SLC2A12: variants seen among roughly 807,000 people sequenced by gnomAD.
SLC2A12 encodes solute carrier family 2, facilitated glucose transporter member 12.
Under a neutral mutation model 41.8 loss-of-function variants are expected in SLC2A12, and 23 were observed. That is an observed-to-expected ratio of 0.55 (90% CI 0.40 to 0.78). The LOEUF (loss-of-function observed/expected upper bound fraction) is 0.78, where lower values mean the gene tolerates loss of function less well. SLC2A12 is among the 30% of genes least tolerant of loss of function. The probability of loss-of-function intolerance (pLI) is 0.00; values close to 1 mark genes in which losing one functional copy is unlikely to be tolerated. For synonymous variants in SLC2A12, 295 were observed against 285.9 expected, an observed-to-expected ratio of 1.03 and a Z score of -0.32; for missense variants, 654 against 745.6, an observed-to-expected ratio of 0.88 and a Z score of 1.43.
rs912551258 is a variant in SLC2A12, at chr6:133,988,902, A to G, written c.*2253T>C. ...CACCTCCTGTTTTTCAATGTTCACC[A>G]AAAAAAGAAACATAGAATAGGGGGA... On this transcript the variant is annotated 3_prime_UTR_variant, in exon 5 of 5. Coordinates refer to ENST00000275230, the MANE Select transcript of SLC2A12 (RefSeq NM_145176.3). The G allele has an allele frequency of 2.0e-5, 3 of 152,176 alleles. No homozygotes were observed. Among genetic ancestry groups the G allele is most frequent in the African/African-American group, 7.2e-5 (3 of 41,444 alleles). The allele number at this position is 152,176 out of a possible 1,614,324, so 9.4% of individuals were successfully genotyped here.
At chr6:133,999,971 T>A (rs930738409) in intron 4 of SLC2A12, among the ~76,000 whole-genome samples, 7 of 152,198 alleles carry the variant, frequency 4.6e-5, no homozygotes, top group African/African-American at 1.7e-4. Flanking sequence ...ATACATTGGC[T>A]TATCAAAGTC....
At chr6:134,005,871 A>G (rs1776806741) in intron 3 of SLC2A12, among the ~76,000 whole-genome samples, 1 of 151,890 alleles carries the variant, frequency 6.6e-6, no homozygotes, top group Non-Finnish European at 1.5e-5. Context: ...TACAAGAAAC[A>G]TAAAAGACAG....
chr6:133,992,389 G>T (rs1231112914), intron 4 of SLC2A12, among the ~76,000 whole-genome samples: 1 of 152,146 alleles, frequency 6.6e-6, no homozygotes, highest in African/African-American at 2.4e-5. Flanking sequence ...GTGGGAGGGG[G>T]TCCTGGAGGC....
At chr6:134,046,973 A>G (rs1447936201) in intron 1 of SLC2A12, among the ~76,000 whole-genome samples, 1 of 152,210 alleles carries the variant, frequency 6.6e-6, no homozygotes, top group Admixed American at 6.5e-5. Context: ...AATATATTTG[A>G]CTCAGTTTCA....
chr6:133,995,265 G>T (rs1438160233), intron 4 of SLC2A12, among the ~76,000 whole-genome samples: 1 of 144,724 alleles, frequency 6.9e-6, no homozygotes, highest in African/African-American at 2.9e-5. Context: ...TGCTGATGAG[G>T]AGTAGGTAAA....
At chr6:133,997,850 G>A (rs963752483) in intron 4 of SLC2A12, among the ~76,000 whole-genome samples, 9 of 152,168 alleles carry the variant, frequency 5.9e-5, no homozygotes, top group African/African-American at 9.7e-5. Context: ...TTTGTCCTCA[G>A]TATTGGGCTT....
At position 134,028,676 on chromosome 6, in the gene SLC2A12, G is replaced by A; in HGVS notation, c.1149C>T (p.Asn383=). The A allele has an allele frequency of 6.2e-7, 1 of 1,614,200 alleles. No individual in the cohort carries two copies. The highest frequency in any genetic ancestry group is 8.5e-7 in the Non-Finnish European group (1 of 1,180,034). The change falls in exon 2 of 5, where the codon AAC becomes AAT. Residue 383 remains asparagine (N), a synonymous_variant. Transcript: ENST00000275230. ...AAATCACAGACTCATCCAAGGACTG[G>A]TTGATAGAATTGTGGCTTCTGCAGA... ...THICRSHNSI[N]QSLDESVIYG...
At chr6:134,047,815 G>T (rs965652) in intron 1 of SLC2A12, among the ~76,000 whole-genome samples, 1 of 152,066 alleles carries the variant, frequency 6.6e-6, no homozygotes, top group Non-Finnish European at 1.5e-5. Context: ...GCATGCTGGT[G>T]TGCACCAGCT....
intron 2 of SLC2A12, among the ~76,000 whole-genome samples, chr6:134,007,530 T>A (rs868808045): frequency 6.6e-6 from 1 of 152,224 alleles, no homozygotes; most frequent in South Asian, 2.1e-4. Context: ...ATTTGATTAT[T>A]GTACCAGACT....
chr6:134,038,946 C>T (rs1777344185), intron 1 of SLC2A12, among the ~76,000 whole-genome samples: 1 of 151,862 alleles, frequency 6.6e-6, no homozygotes, highest in Non-Finnish European at 1.5e-5. Flanking sequence ...CTCTGGTGAT[C>T]CACCCACCTC....
Position 133,991,256 on chromosome 6 carries a change from C to T in SLC2A12, c.1753G>A (p.Val585Met). ...TTTCTTTTTTGAGGCTGTTTTGGCA[C>T]TAATTCTTCTTGGTGATGACTCATA... Reference protein sequence around the residue: ...CFMSHHQEELVPKQPQKRKPQ... With the variant: ...CFMSHHQEELMPKQPQKRKPQ... The change falls in exon 5 of 5, where the codon GTG becomes ATG. Residue 585 changes from valine (V) to methionine (M), a missense_variant. By Grantham distance (21) the Val-to-Met change is conservative (BLOSUM62 1). Transcript: ENST00000275230. The T allele has an allele frequency of 6.2e-7, 1 of 1,614,008 alleles. No individual in the cohort carries two copies. Among genetic ancestry groups the T allele is most frequent in the Non-Finnish European group, 8.5e-7 (1 of 1,179,996 alleles).
At chr6:133,996,797 T>A (rs1171895792) in intron 4 of SLC2A12, among the ~76,000 whole-genome samples, 1 of 152,206 alleles carries the variant, frequency 6.6e-6, no homozygotes, top group East Asian at 1.9e-4. Flanking sequence ...CGCATTTCCT[T>A]AACTAATTTG....
chr6:134,042,391 A>T (rs144779475), intron 1 of SLC2A12, among the ~76,000 whole-genome samples: 2,949 of 152,236 alleles, frequency 0.019, 34 homozygotes, highest in Middle Eastern at 0.078. Context: ...CACCGTTATC[A>T]TGTTGATAAT....
chr6:134,026,325 G>A (rs1777111680), intron 2 of SLC2A12, among the ~76,000 whole-genome samples: 1 of 152,166 alleles, frequency 6.6e-6, no homozygotes, highest in Non-Finnish European at 1.5e-5. Flanking sequence ...TTTATCAAAT[G>A]AGCAAAGCTT....
chr6:134,007,629 T>G (rs1336592405), intron 2 of SLC2A12, among the ~76,000 whole-genome samples: 1 of 152,236 alleles, frequency 6.6e-6, no homozygotes, highest in Non-Finnish European at 1.5e-5. Context: ...GGGAACATTA[T>G]GGGGCTTGCC....
At chr6:134,026,324 T>G (rs1490537141) in intron 2 of SLC2A12, among the ~76,000 whole-genome samples, 1 of 152,174 alleles carries the variant, frequency 6.6e-6, no homozygotes, top group Non-Finnish European at 1.5e-5. Flanking sequence ...GTTTATCAAA[T>G]GAGCAAAGCT....
intron 2 of SLC2A12, among the ~76,000 whole-genome samples, chr6:134,027,271 T>C (rs1419478582): frequency 6.6e-6 from 1 of 152,228 alleles, no homozygotes; most frequent in Non-Finnish European, 1.5e-5. Flanking sequence ...AGCCCCTACA[T>C]GGCCTTCTTT....
Position 134,028,599 on chromosome 6 carries a change from T to C in SLC2A12, c.1226A>G (p.Lys409Arg), listed in dbSNP as rs772545867. The C allele has an allele frequency of 1.9e-6, 3 of 1,614,196 alleles. No homozygotes were observed. The highest frequency in any genetic ancestry group is 3.3e-5 in the Admixed American group (2 of 60,018). ...GCTTCTGCTATGGGAAGAAATCCCT[T>C]TGAAGTGGTCTCTGAGAGTATTGTT... is the stretch of plus-strand genomic sequence containing the variant. ...TNNNTLRDHFKGISSHSRSSL... is the reference protein window; with the variant it reads ...TNNNTLRDHFRGISSHSRSSL... The change falls in exon 2 of 5, where the codon AAA becomes AGA. Residue 409 changes from lysine to arginine, a missense_variant. By Grantham distance (26) the Lys-to-Arg change is conservative. Transcript: ENST00000275230.
intron 3 of SLC2A12, among the ~76,000 whole-genome samples, chr6:134,004,449 A>ATG (rs1158906498): frequency 4.6e-5 from 7 of 152,216 alleles, no homozygotes; most frequent in African/African-American, 1.7e-4. Flanking sequence ...ATATGTATGT[A>ATG]TGTGTGTGTA....
Sources: gnomAD v4.1 joint callset for allele counts (sites outside exome capture counted in the v4.1 genomes callset) on GRCh38, gnomAD v4.1.1 for gene constraint, MANE v1.5 for transcripts, NCBI Gene and HGNC (gene_info 2026-07-23, HGNC 2026-07-21) for gene names.